GRIN2A: variants seen among roughly 807,000 people sequenced by gnomAD.
GRIN2A encodes glutamate ionotropic receptor NMDA type subunit 2A.
GRIN2A carries 22 observed loss-of-function variants against 113.4 expected under a neutral mutation model. That is an observed-to-expected ratio of 0.19 (90% CI 0.14 to 0.28). The LOEUF (loss-of-function observed/expected upper bound fraction) is 0.28, where lower values mean the gene tolerates loss of function less well. GRIN2A is among the 10% of genes least tolerant of loss of function. The probability of loss-of-function intolerance (pLI) is 1.00; values close to 1 mark genes in which losing one functional copy is unlikely to be tolerated. For synonymous variants in GRIN2A, 827 were observed against 738.4 expected (o/e 1.12, Z -1.94); for missense variants, 1,502 against 1,887.0 (o/e 0.80, Z 3.78).
intron 2 of GRIN2A, chr16:10,121,660 C>T (rs966541006): frequency 6.6e-5 from 10 of 152,150 alleles, no homozygotes; most frequent in Non-Finnish European, 5.9e-5. Flanking sequence ...CATGAGTTTC[C>T]AGGCCATTCT....
chr16:9,958,840 C>T (rs1032342929), intron 2 of GRIN2A, among the ~76,000 whole-genome samples: 2 of 152,142 alleles, frequency 1.3e-5, no homozygotes, highest in Non-Finnish European at 2.9e-5. Flanking sequence ...ACTAGAAAAT[C>T]GATACAAGCA....
chr16:9,798,779 C>T (rs1007381659), intron 10 of GRIN2A, among the ~76,000 whole-genome samples: 3 of 152,062 alleles, frequency 2.0e-5, no homozygotes, highest in African/African-American at 7.2e-5. Context: ...AGGACAGTGC[C>T]CTATTTAGAA....
At chr16:9,987,234 C>T (rs944384531) in intron 2 of GRIN2A, among the ~76,000 whole-genome samples, 2 of 152,180 alleles carry the variant, frequency 1.3e-5, no homozygotes, top group South Asian at 4.1e-4. Context: ...ATGGCCCAGA[C>T]CTCGCTAAAT....
intron 2 of GRIN2A, among the ~76,000 whole-genome samples, chr16:10,003,393 T>C (rs1220702477): frequency 6.6e-6 from 1 of 152,044 alleles, no homozygotes; most frequent in Non-Finnish European, 1.5e-5. Context: ...CAAGATTAGC[T>C]AGGGATAATT....
intron 2 of GRIN2A, among the ~76,000 whole-genome samples, chr16:10,070,629 A>G (rs554539953): frequency 7.9e-5 from 12 of 152,204 alleles, no homozygotes; most frequent in Non-Finnish European, 1.6e-4. Context: ...TTCCCTTCGT[A>G]TTCTCTGAGC....
chr16:9,906,798 A>G (rs1287536087), intron 3 of GRIN2A, among the ~76,000 whole-genome samples: 4 of 152,326 alleles, frequency 2.6e-5, no homozygotes, highest in Non-Finnish European at 5.9e-5. Flanking sequence ...TGCCTAAGTT[A>G]ACAAGAATTT....
At chr16:10,099,241 G>A (rs191271447) in intron 2 of GRIN2A, among the ~76,000 whole-genome samples, 10 of 152,250 alleles carry the variant, frequency 6.6e-5, no homozygotes, top group Admixed American at 3.9e-4. Context: ...GACTCCCCAT[G>A]TTCAGCATAA....
chr16:10,142,156 A>T (rs1244078645), intron 2 of GRIN2A, among the ~76,000 whole-genome samples: 1 of 152,166 alleles, frequency 6.6e-6, no homozygotes, highest in Admixed American at 6.5e-5. Context: ...CGAACCCACA[A>T]GAAGATATTG....
chr16:10,072,921 T>C (rs543533227), intron 2 of GRIN2A, among the ~76,000 whole-genome samples: 28 of 148,914 alleles, frequency 1.9e-4, no homozygotes, highest in African/African-American at 6.4e-4. Flanking sequence ...AGAGGCAAGA[T>C]GAGGAAACTC....
chr16:10,111,445 C>T (rs1567306588), intron 2 of GRIN2A: 3 of 579,004 alleles, frequency 5.2e-6, no homozygotes, highest in Non-Finnish European at 9.5e-6. Flanking sequence ...CACCGTGCAG[C>T]AGCTCTTCCT....
rs1567354579 is a variant in GRIN2A at position 10,180,310 on chromosome 16, T to C, written c.102A>G (p.Leu34=). ...TGTGACCCAGCATCACCGCAATATTTAGCGCGGGGGGACCCTTCTCCGCCG... is the reference window on the plus strand; with the variant it reads ...TGTGACCCAGCATCACCGCAATATTCAGCGCGGGGGGACCCTTCTCCGCCG... ...SAAAEKGPPA[L]NIAVMLGHSH... is the part of the protein sequence containing the mutation. The change falls in exon 2 of 13, where the codon CTA becomes CTG. Residue 34 remains leucine (L), a synonymous_variant. Transcript: ENST00000330684. This position sits in a 1 kb window ranked among gnomAD's most constrained non-coding sequence, Gnocchi z 7.0. 1.2e-6 allele frequency: 2 copies of C among 1,611,690 alleles called. No homozygotes were observed. Among genetic ancestry groups the C allele is most frequent in the East Asian group, 2.2e-5 (1 of 44,858 alleles).
At chr16:9,984,334 C>G (rs1030908932) in intron 2 of GRIN2A, among the ~76,000 whole-genome samples, 1 of 151,990 alleles carries the variant, frequency 6.6e-6, no homozygotes, top group Non-Finnish European at 1.5e-5. Context: ...TCTCTTCACT[C>G]TGATTTTTTC....
At chr16:9,826,715 A>G (rs927078389) in intron 9 of GRIN2A, among the ~76,000 whole-genome samples, 13 of 152,224 alleles carry the variant, frequency 8.5e-5, no homozygotes, top group Admixed American at 6.5e-4. Context: ...TAAAAGAGCT[A>G]TCAGCTTGCC....
chr16:9,796,670 G>A (rs1228040373), intron 11 of GRIN2A, among the ~76,000 whole-genome samples: 2 of 152,176 alleles, frequency 1.3e-5, no homozygotes, highest in Non-Finnish European at 2.9e-5. Flanking sequence ...CCAGGTAGCT[G>A]CTACCTTTTC....
chr16:10,051,149 A>G (rs915377968), intron 2 of GRIN2A, among the ~76,000 whole-genome samples: 2 of 152,194 alleles, frequency 1.3e-5, no homozygotes, highest in African/African-American at 4.8e-5. Flanking sequence ...TGATCAAACA[A>G]TAAGAAACAC....
intron 3 of GRIN2A, among the ~76,000 whole-genome samples, chr16:9,915,550 G>A (rs926232199): frequency 6.6e-5 from 10 of 152,168 alleles, no homozygotes; most frequent in African/African-American, 2.2e-4. Flanking sequence ...ATGGAATCCT[G>A]CTCCTAAAAC....
chr16:10,141,306 T>C (rs2049322457), intron 2 of GRIN2A, among the ~76,000 whole-genome samples: 3 of 150,944 alleles, frequency 2.0e-5, no homozygotes, highest in Admixed American at 6.6e-5. Context: ...GTGGCAAATA[T>C]GGTGAAACCC....
At chr16:9,930,547 C>T (rs1567182107) in intron 3 of GRIN2A, among the ~76,000 whole-genome samples, 1 of 152,290 alleles carries the variant, frequency 6.6e-6, no homozygotes, top group African/African-American at 2.4e-5. Context: ...ATCAGATGTA[C>T]AGCAAAGGCC....
chr16:10,104,596 G>A (rs1428214880), intron 2 of GRIN2A, among the ~76,000 whole-genome samples: 1 of 152,132 alleles, frequency 6.6e-6, no homozygotes, highest in Non-Finnish European at 1.5e-5. Flanking sequence ...GGGAAGGAAT[G>A]GTGTTCTCTA....
Sources: allele counts gnomAD v4.1 joint callset (sites outside exome capture counted in the v4.1 genomes callset), GRCh38; gene constraint gnomAD v4.1.1; non-coding constraint Gnocchi (gnomAD v3.1); transcripts MANE v1.5; gene names NCBI Gene and HGNC (gene_info 2026-07-23, HGNC 2026-07-21).